GRIA3: variants seen among roughly 807,000 people sequenced by gnomAD.
GRIA3 encodes the protein glutamate ionotropic receptor AMPA type subunit 3.
Under a neutral mutation model 63.0 loss-of-function variants are expected in GRIA3, and 3 were observed. That is an observed-to-expected ratio of 0.05 (90% CI 0.02 to 0.12). GRIA3 has a LOEUF of 0.12. Ranked by LOEUF, GRIA3 falls within the 10% of genes least tolerant of loss-of-function variation. The probability of loss-of-function intolerance (pLI) is 1.00; values close to 1 mark genes in which losing one functional copy is unlikely to be tolerated. For missense variants in GRIA3, 347 were observed against 700.9 expected (o/e 0.50, Z 5.70); for synonymous variants, 274 against 257.9 (o/e 1.06, Z -0.60).
intron 3 of GRIA3, among the ~76,000 whole-genome samples, chrX:123,270,546 A>G (rs2044514969): frequency 8.9e-6 from 1 of 112,184 alleles, no homozygotes; most frequent in Non-Finnish European, 1.9e-5. Context: ...CAATGGACCT[A>G]TTTTCTGAAT....
chrX:123,285,307 T>A (rs1472020062), intron 3 of GRIA3, among the ~76,000 whole-genome samples: 4 of 110,317 alleles, frequency 3.6e-5, no homozygotes, highest in Non-Finnish European at 7.6e-5. Flanking sequence ...ATATAAATTG[T>A]AAAGACCATT....
At chrX:123,226,639 C>T (rs1162104240) in intron 2 of GRIA3, among the ~76,000 whole-genome samples, 1 of 111,456 alleles carries the variant, frequency 9.0e-6, no homozygotes, top group Non-Finnish European at 1.9e-5. Context: ...GCACTTTTTA[C>T]TTCAATTTGG....
chrX:123,296,780 G>A (rs1009948483), intron 3 of GRIA3, among the ~76,000 whole-genome samples: 4 of 111,179 alleles, frequency 3.6e-5, no homozygotes, highest in African/African-American at 1.3e-4. Flanking sequence ...ACATGATAAT[G>A]TGTAGCCTAT....
intron 3 of GRIA3, among the ~76,000 whole-genome samples, chrX:123,313,524 T>G (rs2044811755): frequency 1.8e-5 from 2 of 111,498 alleles, no homozygotes; most frequent in South Asian, 7.6e-4. Flanking sequence ...CTTTTCATCT[T>G]TGGCATACAT....
intron 5 of GRIA3, among the ~76,000 whole-genome samples, chrX:123,378,430 A>G (rs2045300576): frequency 1.3e-5 from 1 of 79,034 alleles, no homozygotes; most frequent in Non-Finnish European, 2.6e-5. Flanking sequence ...TTTTTTTTTG[A>G]GACACAGTCT....
intron 3 of GRIA3, among the ~76,000 whole-genome samples, chrX:123,316,587 G>A (rs920658604): frequency 3.6e-5 from 4 of 112,050 alleles, no homozygotes; most frequent in African/African-American, 9.7e-5. Context: ...TTGTCAGCAC[G>A]GCATTATTCA....
chrX:123,229,645 C>G (rs1045441152), intron 2 of GRIA3, among the ~76,000 whole-genome samples: 2 of 111,633 alleles, frequency 1.8e-5, no homozygotes, highest in Non-Finnish European at 3.8e-5. Flanking sequence ...TTTTCTCTTT[C>G]TTTTTCTTCC....
At chrX:123,345,846 G>A (rs2045045633) in intron 4 of GRIA3, among the ~76,000 whole-genome samples, 1 of 110,707 alleles carries the variant, frequency 9.0e-6, no homozygotes, top group African/African-American at 3.3e-5. Context: ...AGGCTTCTTG[G>A]AGGAGGTTGC....
intron 13 of GRIA3, among the ~76,000 whole-genome samples, chrX:123,472,269 T>G (rs1279526695): frequency 1.9e-5 from 2 of 107,648 alleles, no homozygotes; most frequent in Admixed American, 2.0e-4. Flanking sequence ...GAACTCTCAA[T>G]GCATATTTTG....
chrX:123,269,761 C>T (rs992080952), intron 3 of GRIA3, among the ~76,000 whole-genome samples: 1 of 111,807 alleles, frequency 8.9e-6, no homozygotes, highest in African/African-American at 3.3e-5. Flanking sequence ...GCCAGCCATC[C>T]GCCTATCCCA....
At chrX:123,385,801 G>C (rs1196059957) in intron 5 of GRIA3, among the ~76,000 whole-genome samples, 1 of 111,228 alleles carries the variant, frequency 9.0e-6, no homozygotes, top group East Asian at 2.8e-4. Context: ...GGCTGTTGTT[G>C]GTTATATATT....
chrX:123,414,586 G>A (rs1319583216), intron 10 of GRIA3, among the ~76,000 whole-genome samples: 3 of 11,113 alleles, frequency 2.7e-4, no homozygotes, highest in Admixed American at 2.1e-3. Context: ...CCCCACCCCC[G>A]ACAGGCCCCA....
chrX:123,467,218 T>G (rs2045839171), intron 13 of GRIA3, among the ~76,000 whole-genome samples: 1 of 112,398 alleles, frequency 8.9e-6, no homozygotes, highest in Non-Finnish European at 1.9e-5. Context: ...TGGGTCACAT[T>G]CGGCTCTTTC....
intron 10 of GRIA3, among the ~76,000 whole-genome samples, chrX:123,416,346 C>T (rs2045536630): frequency 9.0e-6 from 1 of 111,446 alleles, no homozygotes; most frequent in Non-Finnish European, 1.9e-5. Flanking sequence ...CTGTTCTGAA[C>T]ATAGAAAAAA....
chrX:123,388,101 T>G (rs1234401509), intron 5 of GRIA3, among the ~76,000 whole-genome samples: 1 of 112,196 alleles, frequency 8.9e-6, no homozygotes, highest in African/African-American at 3.2e-5. Flanking sequence ...TGATTCAATC[T>G]CATTACTCAT....
At chrX:123,302,985 T>C (rs1392740160) in intron 3 of GRIA3, among the ~76,000 whole-genome samples, 2 of 111,692 alleles carry the variant, frequency 1.8e-5, no homozygotes, top group Non-Finnish European at 3.8e-5. Context: ...CTGAGTTTCA[T>C]AGCAAAAACT....
chrX:123,384,066 T>C (rs1001245124), intron 5 of GRIA3, among the ~76,000 whole-genome samples: 1 of 112,469 alleles, frequency 8.9e-6, no homozygotes, highest in South Asian at 3.7e-4. Flanking sequence ...TAGTATTCCA[T>C]GGTGTATATG....
intron 12 of GRIA3, among the ~76,000 whole-genome samples, chrX:123,444,153 C>T (rs2045690635): frequency 9.0e-6 from 1 of 111,078 alleles, no homozygotes; most frequent in African/African-American, 3.3e-5. Flanking sequence ...CCCTCCTCCC[C>T]CTCCCTCCTT....
intron 12 of GRIA3, among the ~76,000 whole-genome samples, chrX:123,442,596 C>G (rs1432934723): frequency 9.0e-6 from 1 of 111,540 alleles, no homozygotes; most frequent in African/African-American, 3.3e-5. Context: ...ATAGAGGACT[C>G]AGTAATCTGA....
Sources: gnomAD v4.1 joint callset for allele counts (sites outside exome capture counted in the v4.1 genomes callset) on GRCh38, gnomAD v4.1.1 for gene constraint, MANE v1.5 for transcripts, NCBI Gene and HGNC (gene_info 2026-07-23, HGNC 2026-07-21) for gene names.